The following SPARCL1 variants were observed in gnomAD, a reference collection of about 807,000 sequenced individuals.
SPARCL1 encodes SPARC like 1, also known as SPARC-like protein 1.
SPARCL1 carries 52 observed loss-of-function variants against 67.1 expected under a neutral mutation model. The ratio of observed to expected loss-of-function variants is 0.78; its 90% CI spans 0.62 to 0.98. SPARCL1 has a LOEUF of 0.98. Among genes scored for constraint, SPARCL1 ranks in the 50% least tolerant of loss-of-function variants. The pLI, the probability that SPARCL1 is intolerant of heterozygous loss-of-function variation, is 0.00. For synonymous variants in SPARCL1, 226 were observed against 267.8 expected, an observed-to-expected ratio of 0.84 and a Z score of 1.52; for missense variants, 717 against 782.4, an observed-to-expected ratio of 0.92 and a Z score of 1.00.
intron 3 of SPARCL1, 134 bp from the exon 4 acceptor site, chr4:87,494,732 C>T: frequency 1.1e-6 from 1 of 891,436 alleles, no homozygotes; most frequent in Non-Finnish European, 1.6e-6. Context: ...ATTCCTCACA[C>T]TCTGTAGCCA....
intron 7 of SPARCL1, among the ~76,000 whole-genome samples, chr4:87,489,344 G>C (rs567844777): frequency 6.6e-6 from 1 of 152,294 alleles, no homozygotes; most frequent in African/African-American, 2.4e-5. Context: ...CTAGGGGAGA[G>C]AGTTTCCCGA....
chr4:87,500,860 T>G (rs1311061803), intron 1 of SPARCL1, among the ~76,000 whole-genome samples: 1 of 152,186 alleles, frequency 6.6e-6, no homozygotes, highest in Non-Finnish European at 1.5e-5. Context: ...TTATCATAAT[T>G]CTTGTTTAAA....
chr4:87,485,407 G>A (rs1456265865), intron 7 of SPARCL1, among the ~76,000 whole-genome samples: 1 of 152,142 alleles, frequency 6.6e-6, no homozygotes, highest in Non-Finnish European at 1.5e-5. Flanking sequence ...TGCATCCCAG[G>A]GATGAAGGTG....
At chr4:87,508,434 A>C (rs1193376472) in intron 1 of SPARCL1, among the ~76,000 whole-genome samples, 2 of 151,896 alleles carry the variant, frequency 1.3e-5, no homozygotes, top group Non-Finnish European at 2.9e-5. Context: ...TCCTGGGCTC[A>C]AACGATTGTC....
intron 1 of SPARCL1, among the ~76,000 whole-genome samples, chr4:87,513,341 C>T (rs560131608): frequency 1.3e-5 from 2 of 152,296 alleles, no homozygotes; most frequent in Middle Eastern, 6.8e-3. Flanking sequence ...GAATTAGAAA[C>T]GCTGAGCTTT....
intron 10 of SPARCL1, among the ~76,000 whole-genome samples, chr4:87,477,883 G>T (rs1223380483): frequency 6.6e-6 from 1 of 152,180 alleles, no homozygotes; most frequent in Non-Finnish European, 1.5e-5. Flanking sequence ...CTAATACACA[G>T]AACTAGGTAC....
At chr4:87,480,625 A>G in intron 8 of SPARCL1, 105 bp from the exon 9 acceptor site, 1 of 1,059,490 alleles carries the variant, frequency 9.4e-7, no homozygotes, top group Admixed American at 2.5e-5. Flanking sequence ...CGATAGGGGA[A>G]AACAAGCTCA....
At chr4:87,510,731 G>T (rs940500053) in intron 1 of SPARCL1, among the ~76,000 whole-genome samples, 2 of 152,184 alleles carry the variant, frequency 1.3e-5, no homozygotes, top group Admixed American at 1.3e-4. Context: ...GACACACTAC[G>T]TGCAGGTATC....
rs939851341 is a variant in SPARCL1 at position 87,529,286 on chromosome 4, G to C, written c.-253C>G. ...CGAGAATTTGGAGGTTGGCACCAGA[G>C]AGTATTTCAGACTGTCATCGTTTTT... is the stretch of plus-strand genomic sequence containing the variant. On this transcript the variant is annotated 5_prime_UTR_variant, in exon 1 of 11. Coordinates refer to ENST00000282470, the MANE Select transcript of SPARCL1 (RefSeq NM_004684.6). The C allele has an allele frequency of 1.3e-5, 2 of 152,198 alleles. No homozygotes were observed. Among genetic ancestry groups the C allele is most frequent in the African/African-American group, 4.8e-5 (2 of 41,448 alleles). 9.4% of individuals were successfully genotyped at this position (152,198 alleles called of 1,614,324 possible).
At chr4:87,492,770 G>GC (rs1724404547) in intron 4 of SPARCL1, among the ~76,000 whole-genome samples, 1 of 118,380 alleles carries the variant, frequency 8.4e-6, no homozygotes, top group South Asian at 2.9e-4. Context: ...CAAAATCTGT[G>GC]CCAAGTCCTG....
chr4:87,482,207 C>T (rs1477596215), intron 8 of SPARCL1, among the ~76,000 whole-genome samples: 2 of 152,192 alleles, frequency 1.3e-5, no homozygotes, highest in East Asian at 3.9e-4. Flanking sequence ...ATTCAGGCCA[C>T]TGACCATTGG....
chr4:87,521,043 G>A (rs942157338), intron 1 of SPARCL1, among the ~76,000 whole-genome samples: 2 of 152,028 alleles, frequency 1.3e-5, no homozygotes, highest in Non-Finnish European at 2.9e-5. Context: ...TCGGTACTAT[G>A]GTTTATTTTG....
chr4:87,499,856 T>C (rs958167950), intron 1 of SPARCL1, among the ~76,000 whole-genome samples: 2 of 151,620 alleles, frequency 1.3e-5, no homozygotes, highest in African/African-American at 4.9e-5. Context: ...AAAGACTCTG[T>C]GCAGATCTCA....
At chr4:87,491,832 T>C in intron 4 of SPARCL1, 142 bp from the exon 5 acceptor site, 2 of 665,904 alleles carry the variant, frequency 3.0e-6, no homozygotes, top group Admixed American at 4.4e-5. Context: ...AGGCTGGGTG[T>C]GGTGGCTCAC....
intron 10 of SPARCL1, among the ~76,000 whole-genome samples, chr4:87,474,485 G>T (rs1022857845): frequency 7.9e-5 from 12 of 151,888 alleles, no homozygotes; most frequent in Non-Finnish European, 1.5e-4. Flanking sequence ...TGCACCCATA[G>T]CCTTTGTCTT....
At chr4:87,526,460 T>A (rs1429316610) in intron 1 of SPARCL1, among the ~76,000 whole-genome samples, 1 of 152,240 alleles carries the variant, frequency 6.6e-6, no homozygotes. Flanking sequence ...CCAGGTGCTA[T>A]ACTTGGCATT....
rs770639920 is a variant in SPARCL1, at chr4:87,480,378, A to G, written c.1811T>C (p.Met604Thr). ...WQFSELDQHPMDRVLTHSELA... is the reference protein window; with the variant it reads ...WQFSELDQHPTDRVLTHSELA... Reference sequence around the variant, plus strand: ...AAAGGTAAAGAGTTCTTACCTATCCATAGGGTGTTGGTCAAGTTCACTAAA... The same window carrying G: ...AAAGGTAAAGAGTTCTTACCTATCCGTAGGGTGTTGGTCAAGTTCACTAAA... Residue 604 changes from methionine (M) to threonine (T), a missense_variant, in exon 9 of 11, where the codon ATG becomes ACG. Met to Thr is a moderately conservative substitution (Grantham distance 81). Transcript: ENST00000282470. The G allele has an allele frequency of 3.1e-5, 49 of 1,600,728 alleles. No individual in the cohort carries two copies. The East Asian group carries it at 1.0e-3, about 34-fold the overall frequency.
rs192309973 is a variant in SPARCL1, at chr4:87,484,911, A to G, written c.1532-2351T>C. On this transcript the variant is annotated intron_variant, in intron 7 of 10. Transcript: ENST00000282470. Reference sequence around the variant, plus strand: ...GAATGCTTGTGATTTTCGTACATTGATTTTGTATCCTGAGACTTTGCTGAA... The same window carrying G: ...GAATGCTTGTGATTTTCGTACATTGGTTTTGTATCCTGAGACTTTGCTGAA... 5.5e-3 allele frequency among the ~76,000 whole-genome samples: 834 copies of G among 152,220 alleles called. 7 individuals are homozygous for G. The highest frequency in any genetic ancestry group is 0.019 in the African/African-American group (798 of 41,512).
chr4:87,512,570 T>C (rs1725412356), intron 1 of SPARCL1, among the ~76,000 whole-genome samples: 1 of 152,104 alleles, frequency 6.6e-6, no homozygotes, highest in South Asian at 2.1e-4. Context: ...TGAGAGACCA[T>C]GTGGCTGGAA....
Sources: gnomAD v4.1 joint callset for allele counts (sites outside exome capture counted in the v4.1 genomes callset) on GRCh38, gnomAD v4.1.1 for gene constraint, MANE v1.5 for transcripts, NCBI Gene and HGNC (gene_info 2026-07-23, HGNC 2026-07-21) for gene names.